PDE4D: variants seen among roughly 807,000 people sequenced by gnomAD.
The protein encoded by PDE4D is phosphodiesterase 4D.
In PDE4D, 24 loss-of-function variants were observed where a neutral mutation model predicts 87.4. The ratio of observed to expected loss-of-function variants is 0.27; its 90% CI spans 0.20 to 0.39. The LOEUF (loss-of-function observed/expected upper bound fraction) is 0.39, where lower values mean the gene tolerates loss of function less well. Ranked by LOEUF, PDE4D falls within the 10% of genes least tolerant of loss-of-function variation. The probability of loss-of-function intolerance (pLI) is 1.00; values close to 1 mark genes in which losing one functional copy is unlikely to be tolerated. For missense variants in PDE4D, 714 were observed against 1,041.0 expected, an observed-to-expected ratio of 0.69 and a Z score of 4.32; for synonymous variants, 384 against 383.2, an observed-to-expected ratio of 1.00 and a Z score of -0.02.
intron 2 of PDE4D, among the ~76,000 whole-genome samples, chr5:60,167,292 C>T (rs571910474): frequency 7.4e-5 from 8 of 108,640 alleles, no homozygotes; most frequent in African/African-American, 1.1e-4. Flanking sequence ...TTTTTTGAGA[C>T]GGAGTCTCGC....
At chr5:59,218,445 C>T (rs1751740641) in intron 1 of PDE4D, among the ~76,000 whole-genome samples, 1 of 151,978 alleles carries the variant, frequency 6.6e-6, no homozygotes, top group South Asian at 2.1e-4. Flanking sequence ...TTGCTAAATA[C>T]CTTAAGTCAT....
rs575867777 is a variant in PDE4D at position 59,504,074 on chromosome 5, A to ATTTCTTTTG, written c.456-288107_456-288106insCAAAAGAAA. Among the ~76,000 whole-genome samples, 582 of 152,264 alleles carry ATTTCTTTTG rather than the reference A, an allele frequency of 3.8e-3. 3 individuals are homozygous for ATTTCTTTTG. Among genetic ancestry groups the ATTTCTTTTG allele is most frequent in the Non-Finnish European group, 5.8e-3 (396 of 68,000 alleles). On this transcript the variant is annotated intron_variant, in intron 1 of 14. Coordinates refer to ENST00000340635, the MANE Select transcript of PDE4D (RefSeq NM_001104631.2). The stretch of plus-strand genomic sequence containing the variant: ...GATTTCTTTTGAAGAATCCTTGTAG[A>ATTTCTTTTG]ATGAACCAAAAGATAACAGATAAAA...
chr5:59,985,752 C>T (rs530422952), intron 3 of PDE4D, among the ~76,000 whole-genome samples: 14 of 152,272 alleles, frequency 9.2e-5, no homozygotes, highest in African/African-American at 2.2e-4. Flanking sequence ...GGATTGGTTT[C>T]GGGTCTACCA....
intron 1 of PDE4D, among the ~76,000 whole-genome samples, chr5:59,745,493 G>A (rs558796715): frequency 6.6e-5 from 10 of 152,288 alleles, no homozygotes; most frequent in East Asian, 5.8e-4. Context: ...GAGTCAGCTG[G>A]GAGTGACAGG....
intron 2 of PDE4D, among the ~76,000 whole-genome samples, chr5:60,080,807 G>T (rs1158257458): frequency 2.6e-5 from 4 of 152,132 alleles, no homozygotes; most frequent in African/African-American, 4.8e-5. Context: ...ATTTTCGCAT[G>T]GATGTTCATC....
intron 1 of PDE4D, among the ~76,000 whole-genome samples, chr5:59,648,950 A>G (rs1742921116): frequency 6.6e-6 from 1 of 152,198 alleles, no homozygotes; most frequent in African/African-American, 2.4e-5. Context: ...TCTCCCGAAA[A>G]GGCAATTTTA....
At chr5:59,602,223 T>C (rs1827611099) in intron 1 of PDE4D, among the ~76,000 whole-genome samples, 1 of 151,964 alleles carries the variant, frequency 6.6e-6, no homozygotes, top group Non-Finnish European at 1.5e-5. Flanking sequence ...TTGAACATCC[T>C]TTCATAATAA....
At chr5:60,202,953 T>C (rs1194261400) in intron 1 of PDE4D, among the ~76,000 whole-genome samples, 2 of 152,170 alleles carry the variant, frequency 1.3e-5, no homozygotes, top group Non-Finnish European at 2.9e-5. Context: ...AGTCAAAGCC[T>C]TGTTCATAAT....
At chr5:60,139,681 A>G (rs1385427573) in intron 2 of PDE4D, among the ~76,000 whole-genome samples, 1 of 152,086 alleles carries the variant, frequency 6.6e-6, no homozygotes, top group Non-Finnish European at 1.5e-5. Flanking sequence ...CATATATAGT[A>G]TCTAGGTTCA....
At chr5:59,778,912 C>T (rs1010110472) in intron 1 of PDE4D, among the ~76,000 whole-genome samples, 2 of 152,154 alleles carry the variant, frequency 1.3e-5, no homozygotes, top group Non-Finnish European at 2.9e-5. Flanking sequence ...CACTTGTAAT[C>T]CCAGCACTTT....
At chr5:59,220,193 A>T (rs142829490) in intron 1 of PDE4D, among the ~76,000 whole-genome samples, 3 of 151,824 alleles carry the variant, frequency 2.0e-5, no homozygotes, top group Admixed American at 6.6e-5. Flanking sequence ...TAAAATAAAC[A>T]TGTTGCTTTT....
intron 2 of PDE4D, among the ~76,000 whole-genome samples, chr5:60,106,519 A>G (rs973535789): frequency 3.3e-5 from 5 of 152,230 alleles, no homozygotes; most frequent in African/African-American, 1.2e-4. Context: ...TAATAGACAT[A>G]TACAGAACTC....
chr5:60,070,431 C>T (rs1006875883), intron 2 of PDE4D, among the ~76,000 whole-genome samples: 2 of 151,956 alleles, frequency 1.3e-5, no homozygotes, highest in East Asian at 1.9e-4. Context: ...TTTTGTCAAA[C>T]CCTTTTTCTG....
At chr5:60,157,891 CCCTTCCTTCCTTCCTT>C (rs112255610) in intron 2 of PDE4D, among the ~76,000 whole-genome samples, 7 of 146,742 alleles carry the variant, frequency 4.8e-5, no homozygotes, top group South Asian at 4.4e-4. Flanking sequence ...CCCTTTCTTT[CCCTTCCTTCCTTCCTT>C]CCTTCCTTCC....
At position 59,134,596 on chromosome 5, in the gene PDE4D, T is replaced by C. The variant is rs141429309; in HGVS notation, c.808+45999A>G. On this transcript the variant is annotated intron_variant, in intron 5 of 14. Coordinates refer to ENST00000340635, the MANE Select transcript of PDE4D (RefSeq NM_001104631.2). The stretch of plus-strand genomic sequence containing the variant: ...CCCACATTTTATAGAGAAAGCTATA[T>C]ATTGAGGTTCTGCAAACAACAAAAT... 2.3e-3 allele frequency among the ~76,000 whole-genome samples: 347 copies of C among 152,312 alleles called. 3 individuals carry two copies. The highest frequency in any genetic ancestry group is 7.9e-3 in the African/African-American group (329 of 41,570).
At chr5:59,493,390 T>C (rs563412130) in intron 1 of PDE4D, among the ~76,000 whole-genome samples, 1 of 152,298 alleles carries the variant, frequency 6.6e-6, no homozygotes, top group African/African-American at 2.4e-5. Flanking sequence ...AAGAATGTCA[T>C]TTTAAAAAAG....
chr5:59,123,911 C>T (rs867643419), intron 5 of PDE4D, among the ~76,000 whole-genome samples: 1 of 152,106 alleles, frequency 6.6e-6, no homozygotes, highest in Admixed American at 6.6e-5. Flanking sequence ...ATTCCCTGAG[C>T]ACCAGCTTTC....
intron 3 of PDE4D, among the ~76,000 whole-genome samples, chr5:59,976,569 T>A (rs28760347): frequency 0.45 from 67,912 of 151,792 alleles, 15,605 homozygotes; most frequent in East Asian, 0.86. Context: ...TGCTGGTGCC[T>A]TGCCCAGACA....
chr5:59,040,459 T>C (rs1304992029), intron 5 of PDE4D, among the ~76,000 whole-genome samples: 2 of 152,246 alleles, frequency 1.3e-5, no homozygotes, highest in Non-Finnish European at 2.9e-5. Context: ...CTAGATGATC[T>C]TGGGCCAAGG....
Sources: allele counts gnomAD v4.1 joint callset (sites outside exome capture counted in the v4.1 genomes callset), GRCh38; gene constraint gnomAD v4.1.1; transcripts MANE v1.5; gene names NCBI Gene and HGNC (gene_info 2026-07-23, HGNC 2026-07-21).